Variants in PAK3 observed in about 807,000 individuals in gnomAD.
PAK3 encodes p21 (RAC1) activated kinase 3, also known as serine/threonine-protein kinase PAK 3.
A neutral mutation model predicts 41.0 loss-of-function variants in PAK3; 4 were observed. The ratio of observed to expected loss-of-function variants is 0.10; its 90% CI spans 0.05 to 0.22. The LOEUF is 0.22. Ranked by LOEUF, PAK3 falls within the 10% of genes least tolerant of loss-of-function variation. The pLI, the probability that PAK3 is intolerant of heterozygous loss-of-function variation, is 1.00. For synonymous variants in PAK3, 146 were observed against 139.6 expected (o/e 1.05, Z -0.32); for missense variants, 205 against 409.9 (o/e 0.50, Z 4.32).
At chrX:111,046,523 A>G (rs1328981341) in intron 1 of PAK3, among the ~76,000 whole-genome samples, 1 of 111,783 alleles carries the variant, frequency 8.9e-6, no homozygotes, top group East Asian at 2.8e-4. Flanking sequence ...AAAATATTGC[A>G]TAATGTCATG....
intron 8 of PAK3, among the ~76,000 whole-genome samples, chrX:111,161,428 C>G (rs1405292032): frequency 5.4e-5 from 6 of 110,989 alleles, no homozygotes; most frequent in Non-Finnish European, 1.1e-4. Context: ...CCTGTTCATT[C>G]TGATGGTGGT....
intron 4 of PAK3, among the ~76,000 whole-genome samples, chrX:111,118,024 G>A (rs1298374346): frequency 2.7e-5 from 3 of 111,529 alleles, no homozygotes; most frequent in African/African-American, 6.5e-5. Context: ...TAAAATGCCC[G>A]CTTTGGCATC....
intron 1 of PAK3, among the ~76,000 whole-genome samples, chrX:111,053,975 C>T (rs1277239015): frequency 3.6e-5 from 4 of 112,504 alleles, no homozygotes; most frequent in African/African-American, 1.3e-4. Context: ...GTCTACCTTG[C>T]AATTACACAA....
chrX:111,163,775 T>C, intron 10 of PAK3, 48 bp downstream of exon 10: 1 of 991,226 alleles, frequency 1.0e-6, no homozygotes, highest in Non-Finnish European at 1.4e-6. Context: ...GTGTTTCTCA[T>C]AAGCCATTTA....
At chrX:110,964,833 A>AGCTAGCTG (rs1189778961) in intron 1 of PAK3, among the ~76,000 whole-genome samples, 1 of 112,006 alleles carries the variant, frequency 8.9e-6, no homozygotes, top group Non-Finnish European at 1.9e-5. Flanking sequence ...GGGAGAAGGA[A>AGCTAGCTG]GCTAGCTGGC....
intron 1 of PAK3, among the ~76,000 whole-genome samples, chrX:111,065,851 G>C: frequency 9.0e-6 from 1 of 111,650 alleles, no homozygotes; most frequent in Middle Eastern, 4.6e-3. Flanking sequence ...GTGCATATAG[G>C]TGTCCATAGT....
chrX:111,086,060 C>CG (rs1287289654), intron 1 of PAK3, among the ~76,000 whole-genome samples: 3 of 17,895 alleles, frequency 1.7e-4, no homozygotes, highest in Non-Finnish European at 2.9e-4. Context: ...GTGATGTCAG[C>CG]TTGTGTGTGT....
chrX:111,137,073 G>A (rs2093799943), intron 5 of PAK3, among the ~76,000 whole-genome samples: 1 of 112,035 alleles, frequency 8.9e-6, no homozygotes, highest in Admixed American at 9.5e-5. Context: ...CACAGTGGTG[G>A]CAGCACAGAA....
chrX:111,063,487 G>T (rs1242540746), intron 1 of PAK3, among the ~76,000 whole-genome samples: 1 of 111,724 alleles, frequency 9.0e-6, no homozygotes, highest in Non-Finnish European at 1.9e-5. Context: ...CAGATACTAA[G>T]TTATCTAAAT....
chrX:110,975,743 T>A (rs2091314553), intron 1 of PAK3, among the ~76,000 whole-genome samples: 1 of 111,738 alleles, frequency 8.9e-6, no homozygotes, highest in African/African-American at 3.3e-5. Context: ...AACAGCATGG[T>A]ACGGGTACCA....
At chrX:111,041,479 C>A (rs1490263494) in intron 1 of PAK3, among the ~76,000 whole-genome samples, 2 of 112,093 alleles carry the variant, frequency 1.8e-5, no homozygotes, top group African/African-American at 6.5e-5. Context: ...CACTGTGCCA[C>A]CCCTCTGCCC....
At chrX:111,120,601 C>A (rs1214592964) in intron 4 of PAK3, among the ~76,000 whole-genome samples, 1 of 111,621 alleles carries the variant, frequency 9.0e-6, no homozygotes, top group Non-Finnish European at 1.9e-5. Flanking sequence ...GGTCGTGTGG[C>A]GTGTTTTCCT....
chrX:111,085,059 G>A (rs1057384609), intron 1 of PAK3, among the ~76,000 whole-genome samples: 1 of 111,863 alleles, frequency 8.9e-6, no homozygotes, highest in African/African-American at 3.2e-5. Flanking sequence ...TTTAGTACAA[G>A]CAGGCTTTCC....
At chrX:110,946,826 T>C (rs1449610128) in intron 1 of PAK3, among the ~76,000 whole-genome samples, 1 of 112,846 alleles carries the variant, frequency 8.9e-6, no homozygotes, top group Non-Finnish European at 1.9e-5. Context: ...TCAAACTGTA[T>C]ATAAAATAGA....
intron 11 of PAK3, among the ~76,000 whole-genome samples, chrX:111,185,994 A>C (rs1016803268): frequency 9.0e-6 from 1 of 111,471 alleles, no homozygotes; most frequent in Non-Finnish European, 1.9e-5. Flanking sequence ...TTCAACATAC[A>C]AAAATCAATA....
intron 10 of PAK3, among the ~76,000 whole-genome samples, chrX:111,170,753 A>G (rs2094327292): frequency 9.0e-6 from 1 of 111,153 alleles, no homozygotes; most frequent in Non-Finnish European, 1.9e-5. Flanking sequence ...CATGGGTTAG[A>G]TAGGAAAGGA....
At chrX:111,035,739 G>A (rs1457258185) in intron 1 of PAK3, among the ~76,000 whole-genome samples, 2 of 112,184 alleles carry the variant, frequency 1.8e-5, no homozygotes, top group Non-Finnish European at 3.8e-5. Flanking sequence ...CGTACATACC[G>A]TATGTCATTC....
intron 4 of PAK3, among the ~76,000 whole-genome samples, chrX:111,118,940 A>T (rs1441586827): frequency 9.0e-6 from 1 of 111,249 alleles, no homozygotes; most frequent in Non-Finnish European, 1.9e-5. Flanking sequence ...AGCATTTTAG[A>T]GAAAAAACTA....
chrX:111,123,171 G>T lies in PAK3; in HGVS notation c.68G>T (p.Arg23Leu). 7 of 1,203,708 alleles carry T rather than the reference G, an allele frequency of 5.8e-6. No individual in the cohort carries two copies. Among genetic ancestry groups the T allele is most frequent in the Non-Finnish European group, 7.9e-6 (7 of 888,065 alleles). Residue 23 changes from arginine (R) to leucine (L), a missense_variant, in exon 5 of 18, where the codon CGG (arginine) becomes CTG (leucine). By Grantham distance (102) the Arg-to-Leu change is moderately radical. This residue lies in a region of PAK3 where 26 missense variants were observed against 27.4 expected (regional missense o/e 0.95). Coordinates refer to ENST00000372007, the MANE Select transcript of PAK3 (RefSeq NM_002578.5). ...APPLRMNSNN[R>L]DSSALNHSSK... ...CCACTGAGGATGAATAGTAACAACC[G>T]GGATTCTTCAGCACTCAACCACAGC...
Sources: allele counts gnomAD v4.1 joint callset (sites outside exome capture counted in the v4.1 genomes callset), GRCh38; gene constraint gnomAD v4.1.1; regional missense constraint gnomAD v4.1.1; transcripts MANE v1.5; gene names NCBI Gene and HGNC (gene_info 2026-07-23, HGNC 2026-07-21).